The following INSR variants were observed in gnomAD, a reference collection of about 807,000 sequenced individuals.
INSR encodes insulin receptor, also known as IR.
Under a neutral mutation model 142.6 loss-of-function variants are expected in INSR, and 67 were observed. That is an observed-to-expected ratio of 0.47 (90% confidence interval 0.39 to 0.58). The LOEUF (loss-of-function observed/expected upper bound fraction) is 0.58. Ranked by LOEUF, INSR falls within the 20% of genes least tolerant of loss-of-function variation. The pLI is 0.00. For synonymous variants in INSR, 756 were observed against 743.1 expected, an observed-to-expected ratio of 1.02 and a Z score of -0.28; for missense variants, 1,248 against 1,833.2, an observed-to-expected ratio of 0.68 and a Z score of 5.83.
At chr19:7,282,967 C>T (rs1968248261) in intron 1 of INSR, among the ~76,000 whole-genome samples, 3 of 122,060 alleles carry the variant, frequency 2.5e-5, no homozygotes. Context: ...AGTGAGACTC[C>T]GCCTCAAAAA....
intron 2 of INSR, among the ~76,000 whole-genome samples, chr19:7,262,406 A>G (rs1392305218): frequency 1.3e-5 from 2 of 152,182 alleles, no homozygotes; most frequent in Non-Finnish European, 2.9e-5. Flanking sequence ...CGGGAGGCAG[A>G]GGTTGCAGTG....
intron 1 of INSR, among the ~76,000 whole-genome samples, chr19:7,285,022 A>G (rs1414395884): frequency 2.0e-5 from 3 of 152,138 alleles, no homozygotes; most frequent in Non-Finnish European, 4.4e-5. Context: ...ATTCAAAAAT[A>G]CAGGGTCTGG....
chr19:7,269,374 A>G (rs901761732), intron 1 of INSR, among the ~76,000 whole-genome samples: 1 of 102,508 alleles, frequency 9.8e-6, no homozygotes, highest in African/African-American at 4.1e-5. Flanking sequence ...CTAAGTCGAG[A>G]AAACACACAC....
intron 17 of INSR, among the ~76,000 whole-genome samples, chr19:7,124,146 G>A (rs1003431566): frequency 3.3e-5 from 5 of 151,748 alleles, no homozygotes; most frequent in Admixed American, 6.6e-5. Flanking sequence ...GGTGGATCAC[G>A]AGGTCAGGAG....
In INSR at chr19:7,293,799, G is replaced by A. The variant is rs1352114555; in HGVS notation, c.93C>T (p.Pro31=). The A allele has an allele frequency of 2.2e-6, 3 of 1,359,028 alleles. No homozygotes were observed. The highest frequency in any genetic ancestry group is 5.2e-5 in the Admixed American group (2 of 38,122). The allele number at this position is 1,359,028 out of a possible 1,614,324, so 84.2% of individuals were successfully genotyped here. A position where few individuals can be genotyped will look rare whatever the true frequency, so the allele number is the denominator to read the frequency against. Residue 31 remains proline, a synonymous_variant, in exon 1 of 22, where the codon CCC becomes CCT. Transcript: ENST00000302850. ...LLLGAAGHLY[P]GEVCPGMDIR... is the part of the protein sequence containing the mutation. ...CCGCGCCCCCAGACTCACCCTCTCCGGGGTACAGGTGGCCCGCGGCGCCCA... is the reference window on the plus strand; with the variant it reads ...CCGCGCCCCCAGACTCACCCTCTCCAGGGTACAGGTGGCCCGCGGCGCCCA...
At chr19:7,249,849 G>A (rs551862806) in intron 2 of INSR, among the ~76,000 whole-genome samples, 10 of 152,130 alleles carry the variant, frequency 6.6e-5, no homozygotes, top group East Asian at 5.8e-4. Flanking sequence ...AAAATTAGCC[G>A]GGCGTGGTGG....
chr19:7,178,953 C>T (rs973593383), intron 3 of INSR, among the ~76,000 whole-genome samples: 9 of 152,098 alleles, frequency 5.9e-5, no homozygotes, highest in Non-Finnish European at 1.0e-4. Flanking sequence ...CTCTGCCACC[C>T]GGGCTGGGGT....
Position 7,134,471 on chromosome 19 carries a change from T to C in INSR, c.2683-2154A>G, listed in dbSNP as rs151230176. ...TCGATTTTTTTTTTTTTAATCATTA[T>C]AAAAACAGTTGAAGCCCGGGCACGG... On this transcript the variant is annotated intron_variant, in intron 13 of 21. Transcript: ENST00000302850. Among the ~76,000 whole-genome samples, 559 of 151,378 alleles carry C rather than the reference T, an allele frequency of 3.7e-3. 2 individuals carry two copies. The highest frequency in any genetic ancestry group is 0.013 in the African/African-American group (527 of 41,160).
intron 2 of INSR, among the ~76,000 whole-genome samples, chr19:7,235,971 CTTTTTTT>C (rs34478636): frequency 7.7e-5 from 10 of 129,878 alleles, no homozygotes; most frequent in African/African-American, 3.0e-4. Flanking sequence ...CTGGCCTTTC[CTTTTTTT>C]TTTTTTTTTT....
Position 7,151,149 on chromosome 19 carries a change from CCTTTCTTTCTTTCT to C in INSR, c.2232-631_2232-618del, listed in dbSNP as rs1179004897. 9.0e-3 allele frequency among the ~76,000 whole-genome samples: 1,241 copies of C among 138,262 alleles called. 33 individuals carry two copies. The highest frequency in any genetic ancestry group is 0.033 in the African/African-American group (1,184 of 35,944). The allele number at this position is 138,262 out of a possible 152,430, so 90.7% of individuals were successfully genotyped here. A position where few individuals can be genotyped will look rare whatever the true frequency, so the allele number is the denominator to read the frequency against. ...TTCTCTGTCCTTTCTTTCTCTCTTT[CCTTTCTTTCTTTCT>C]CTTTCTTTCTTTCTTTCTTTCTTTC... On this transcript the variant is annotated intron_variant, in intron 10 of 21. Coordinates refer to ENST00000302850, the MANE Select transcript of INSR (RefSeq NM_000208.4).
At chr19:7,197,514 G>T (rs930167180) in intron 2 of INSR, among the ~76,000 whole-genome samples, 26 of 26,942 alleles carry the variant, frequency 9.7e-4, no homozygotes, top group Admixed American at 1.7e-3. Flanking sequence ...AGTGGGAGTG[G>T]GGGTGTGTGT....
intron 2 of INSR, among the ~76,000 whole-genome samples, chr19:7,233,055 G>A (rs1808538): frequency 0.02 from 2,974 of 151,962 alleles, 88 homozygotes; most frequent in East Asian, 0.13. Flanking sequence ...GCGCCACCTC[G>A]CCATCTCGGC....
chr19:7,124,305 G>A (rs1194281427), intron 17 of INSR, among the ~76,000 whole-genome samples: 1 of 145,668 alleles, frequency 6.9e-6, no homozygotes, highest in Non-Finnish European at 1.5e-5. Context: ...GCAGGCAGAG[G>A]TTGCAGTGAG....
chr19:7,217,612 G>A (rs1212833372), intron 2 of INSR, among the ~76,000 whole-genome samples: 3 of 152,226 alleles, frequency 2.0e-5, no homozygotes, highest in African/African-American at 7.2e-5. Context: ...AGGCTGGAGT[G>A]CAGTGGGCAC....
chr19:7,180,237 T>C (rs186656808), intron 3 of INSR, among the ~76,000 whole-genome samples: 2 of 152,196 alleles, frequency 1.3e-5, no homozygotes, highest in African/African-American at 4.8e-5. Context: ...GTGAATAAAT[T>C]GACAACAAAG....
chr19:7,138,585 C>T (rs561794483), intron 13 of INSR, among the ~76,000 whole-genome samples: 9 of 152,108 alleles, frequency 5.9e-5, no homozygotes, highest in African/African-American at 2.2e-4. Flanking sequence ...CTGTGTTGCC[C>T]AGGCTCAAAC....
At chr19:7,230,602 T>C (rs976051241) in intron 2 of INSR, among the ~76,000 whole-genome samples, 4 of 151,898 alleles carry the variant, frequency 2.6e-5, no homozygotes, top group African/African-American at 9.7e-5. Flanking sequence ...AGGTCAGGAG[T>C]TCGAGACCAG....
intron 1 of INSR, among the ~76,000 whole-genome samples, chr19:7,285,276 C>T (rs1183443259): frequency 6.6e-6 from 1 of 151,918 alleles, no homozygotes; most frequent in Non-Finnish European, 1.5e-5. Flanking sequence ...CATGGTAAAA[C>T]CCCATCTCTA....
chr19:7,137,238 G>A (rs534139393), intron 13 of INSR, among the ~76,000 whole-genome samples: 10 of 149,442 alleles, frequency 6.7e-5, no homozygotes, highest in African/African-American at 2.5e-4. Context: ...TGGTATGTAA[G>A]TTACAGCTCA....
Sources: gnomAD v4.1 joint callset for allele counts (sites outside exome capture counted in the v4.1 genomes callset) on GRCh38, gnomAD v4.1.1 for gene constraint, MANE v1.5 for transcripts, NCBI Gene and HGNC (gene_info 2026-07-23, HGNC 2026-07-21) for gene names.